The following ATP8A2 variants were observed in gnomAD, a reference collection of about 807,000 sequenced individuals.
The protein encoded by ATP8A2 is phospholipid-transporting ATPase IB.
In ATP8A2, 100 loss-of-function variants were observed where a neutral mutation model predicts 165.6. The ratio of observed to expected loss-of-function variants is 0.60; its 90% CI spans 0.51 to 0.71. The LOEUF (loss-of-function observed/expected upper bound fraction) is 0.71, where lower values mean the gene tolerates loss of function less well. Among genes scored for constraint, ATP8A2 ranks in the 30% least tolerant of loss-of-function variants. The pLI, the probability that ATP8A2 is intolerant of heterozygous loss-of-function variation, is 0.00. For missense variants in ATP8A2, 1,227 were observed against 1,479.5 expected (o/e 0.83, Z 2.80); for synonymous variants, 543 against 548.8 (o/e 0.99, Z 0.15).
intron 23 of ATP8A2, 46 bp downstream of exon 23, chr13:25,582,003 G>A (rs966104362): frequency 1.3e-6 from 2 of 1,526,738 alleles, no homozygotes; most frequent in Non-Finnish European, 1.8e-6. Context: ...TTTTGTATTT[G>A]TTTTTCAAGT....
At position 25,981,577 on chromosome 13, in the gene ATP8A2, T is replaced by C. The variant is rs990238519; in HGVS notation, c.3377+12898T>C. On this transcript the variant is annotated intron_variant, in intron 35 of 36. Coordinates refer to ENST00000381655, the MANE Select transcript of ATP8A2 (RefSeq NM_016529.6). ...ACAGAAGCAAGTTAACTTGAAAATA[T>C]CTCTGGATTTCAATATATTAAGATT... Among the ~76,000 whole-genome samples the C allele has an allele frequency of 1.1e-4, 17 of 152,346 alleles. No individual in the cohort carries two copies. In the East Asian group the frequency reaches 3.1e-3, roughly 28 times the overall value.
intron 1 of ATP8A2, among the ~76,000 whole-genome samples, chr13:25,379,990 G>A (rs1188919273): frequency 1.3e-5 from 2 of 152,176 alleles, no homozygotes; most frequent in African/African-American, 4.8e-5. Flanking sequence ...ACACCAGCGT[G>A]GGCAGGCAAC....
chr13:25,848,631 A>T (rs1310688550), intron 30 of ATP8A2, among the ~76,000 whole-genome samples: 1 of 152,246 alleles, frequency 6.6e-6, no homozygotes, highest in East Asian at 1.9e-4. Flanking sequence ...AGAAATGGCA[A>T]TAGAGGAGAA....
At chr13:26,013,270 C>A (rs1433798651) in intron 36 of ATP8A2, among the ~76,000 whole-genome samples, 1 of 152,208 alleles carries the variant, frequency 6.6e-6, no homozygotes, top group Non-Finnish European at 1.5e-5. Context: ...TGCGGCCTTC[C>A]CCAGCCCCCT....
At position 25,675,366 on chromosome 13, in the gene ATP8A2, T is replaced by C. The variant is rs1435139186; in HGVS notation, c.2212-23807T>C. Among the ~76,000 whole-genome samples, 5 of 152,354 alleles carry C rather than the reference T, an allele frequency of 3.3e-5. No individual in the cohort carries two copies. In the East Asian group the frequency reaches 9.6e-4, roughly 29 times the overall value. On this transcript the variant is annotated intron_variant, in intron 24 of 36. Coordinates refer to ENST00000381655, the MANE Select transcript of ATP8A2 (RefSeq NM_016529.6). Reference sequence around the variant, plus strand: ...TCCTTTCCAGAGGGCATCCTGTGTTTACACATTTACGCCGTCAAAATCAAG... The same window carrying C: ...TCCTTTCCAGAGGGCATCCTGTGTTCACACATTTACGCCGTCAAAATCAAG...
intron 33 of ATP8A2, among the ~76,000 whole-genome samples, chr13:25,872,050 A>G (rs943815364): frequency 2.2e-5 from 1 of 44,474 alleles, no homozygotes; most frequent in Non-Finnish European, 4.3e-5. Flanking sequence ...CATTCCCCTC[A>G]CCCCCCCGCC....
rs1179789734 is a variant in ATP8A2 at position 26,021,052 on chromosome 13, G to A, written c.*1067G>A. ...TCAGAGCACATTTTGGACTTTCACT[G>A]TTGGGAAATGAATGAATTTATAACA... On this transcript the variant is annotated 3_prime_UTR_variant, in exon 37 of 37. Coordinates refer to ENST00000381655, the MANE Select transcript of ATP8A2 (RefSeq NM_016529.6). 2 of 152,226 alleles carry A rather than the reference G, an allele frequency of 1.3e-5. No individual in the cohort carries two copies. Among genetic ancestry groups the A allele is most frequent in the Non-Finnish European group, 2.9e-5 (2 of 68,054 alleles). 9.4% of individuals were successfully genotyped at this position (152,226 alleles called of 1,614,324 possible). A position where few individuals can be genotyped will look rare whatever the true frequency, so the allele number is the denominator to read the frequency against.
chr13:25,851,811 T>C (rs916664901), intron 30 of ATP8A2, among the ~76,000 whole-genome samples: 9 of 151,754 alleles, frequency 5.9e-5, no homozygotes, highest in Non-Finnish European at 1.2e-4. Context: ...TGCGTTGCTC[T>C]GTGCGAATGC....
intron 33 of ATP8A2, among the ~76,000 whole-genome samples, chr13:25,918,279 G>A (rs1447995027): frequency 1.3e-5 from 2 of 152,204 alleles, no homozygotes; most frequent in African/African-American, 4.8e-5. Flanking sequence ...TTCCTGGGAA[G>A]AGCATCAGTT....
At chr13:25,661,808 T>G (rs1394485805) in intron 24 of ATP8A2, among the ~76,000 whole-genome samples, 1 of 152,162 alleles carries the variant, frequency 6.6e-6, no homozygotes, top group Non-Finnish European at 1.5e-5. Context: ...ATATAAAGAT[T>G]TTTCAAAAAT....
At chr13:25,501,391 A>G (rs957293868) in intron 2 of ATP8A2, among the ~76,000 whole-genome samples, 3 of 152,184 alleles carry the variant, frequency 2.0e-5, no homozygotes, top group African/African-American at 7.2e-5. Flanking sequence ...AGCTCTGGAC[A>G]TAAGGGCTGC....
At chr13:25,816,500 A>G (rs1951023227) in intron 27 of ATP8A2, among the ~76,000 whole-genome samples, 1 of 152,158 alleles carries the variant, frequency 6.6e-6, no homozygotes, top group African/African-American at 2.4e-5. Flanking sequence ...CCACATTTGG[A>G]AAAGTTGTGC....
intron 9 of ATP8A2, 98 bp downstream of exon 9, chr13:25,542,144 A>G: frequency 7.8e-7 from 1 of 1,287,618 alleles, no homozygotes; most frequent in Non-Finnish European, 1.1e-6. Flanking sequence ...GTAATATTTT[A>G]AAACAGTGAG....
intron 27 of ATP8A2, among the ~76,000 whole-genome samples, chr13:25,778,625 A>G (rs1406712464): frequency 2.0e-5 from 3 of 152,178 alleles, no homozygotes; most frequent in African/African-American, 7.2e-5. Flanking sequence ...AGTGTCTGGC[A>G]CAATGTCTGG....
At chr13:25,396,601 C>T (rs1254749830) in intron 1 of ATP8A2, among the ~76,000 whole-genome samples, 2 of 152,076 alleles carry the variant, frequency 1.3e-5, no homozygotes, top group Non-Finnish European at 1.5e-5. Flanking sequence ...TGCCCTTGAC[C>T]CCGGGTAGCC....
At chr13:25,707,636 C>T (rs576538014) in intron 25 of ATP8A2, among the ~76,000 whole-genome samples, 2 of 152,346 alleles carry the variant, frequency 1.3e-5, no homozygotes, top group African/African-American at 4.8e-5. Context: ...GTTGAGAATA[C>T]TTGCCAAGGG....
At chr13:25,880,669 T>A (rs1952955540) in intron 33 of ATP8A2, among the ~76,000 whole-genome samples, 1 of 152,184 alleles carries the variant, frequency 6.6e-6, no homozygotes, top group Non-Finnish European at 1.5e-5. Context: ...AGCTACCATT[T>A]TTCCATTCCC....
intron 33 of ATP8A2, among the ~76,000 whole-genome samples, chr13:25,910,525 GCCC>G (rs1954071568): frequency 6.6e-6 from 1 of 152,184 alleles, no homozygotes; most frequent in Non-Finnish European, 1.5e-5. Context: ...CTGTGTGTGA[GCCC>G]TGCAGGTGTT....
intron 30 of ATP8A2, among the ~76,000 whole-genome samples, chr13:25,840,042 A>T (rs1327459043): frequency 6.6e-6 from 1 of 152,144 alleles, no homozygotes; most frequent in Non-Finnish European, 1.5e-5. Flanking sequence ...ATAAGATTTG[A>T]ATCTTATTCC....
Sources: allele counts gnomAD v4.1 joint callset (sites outside exome capture counted in the v4.1 genomes callset), GRCh38; gene constraint gnomAD v4.1.1; transcripts MANE v1.5; gene names NCBI Gene and HGNC (gene_info 2026-07-23, HGNC 2026-07-21).